GTF2H3: variants seen among roughly 807,000 people sequenced by gnomAD.
The protein encoded by GTF2H3 is general transcription factor IIH subunit 3.
Under a neutral mutation model 51.1 loss-of-function variants are expected in GTF2H3, and 42 were observed. The observed-to-expected ratio is 0.82, with a 90% CI of 0.64 to 1.06. GTF2H3 has a LOEUF of 1.06. Ranked by LOEUF, GTF2H3 falls within the 50% of genes least tolerant of loss-of-function variation. The pLI, the probability that GTF2H3 is intolerant of heterozygous loss-of-function variation, is 0.00. For synonymous variants in GTF2H3, 123 were observed against 123.8 expected (o/e 0.99, Z 0.04); for missense variants, 326 against 366.1 (o/e 0.89, Z 0.89).
intron 9 of GTF2H3, chr12:123,656,228 C>G (rs1290855691): frequency 6.0e-6 from 1 of 165,638 alleles, no homozygotes. Flanking sequence ...ATGGGGAGAG[C>G]GAGGTCCAAT....
At position 123,652,680 on chromosome 12, in the gene GTF2H3, T is replaced by A. The variant is rs754165334; in HGVS notation, c.458-27T>A. On this transcript the variant is annotated intron_variant, in intron 6 of 12. Coordinates refer to ENST00000543341, the MANE Select transcript of GTF2H3 (RefSeq NM_001516.5). ...ATATGATTAGTAAGATTTAGTTAAA[T>A]TTTTTTCTGCTTTTTTCTCTTTGTA... 8 of 1,542,950 alleles carry A rather than the reference T, an allele frequency of 5.2e-6. No individual in the cohort carries two copies. The Admixed American group carries it at 1.3e-4, about 26-fold the overall frequency.
rs1372937458 is a variant in GTF2H3, at chr12:123,639,314, T to G, written c.64T>G (p.Trp22Gly). Reference sequence around the variant, plus strand: ...TGTAGTTGATGCCAACCCAATTTGGTGGGGAAAGCAAGCATTAAAGGAATC... The same window carrying G: ...TGTAGTTGATGCCAACCCAATTTGGGGGGGAAAGCAAGCATTAAAGGAATC... ...VIVVDANPIWWGKQALKESQF... is the reference protein window; with the variant it reads ...VIVVDANPIWGGKQALKESQF... Residue 22 changes from tryptophan to glycine, a missense_variant, in exon 2 of 13, where the codon TGG becomes GGG. Coordinates refer to ENST00000543341, the MANE Select transcript of GTF2H3 (RefSeq NM_001516.5). 1 of 1,589,654 alleles carries G rather than the reference T, an allele frequency of 6.3e-7. No homozygotes were observed. Among genetic ancestry groups the G allele is most frequent in the South Asian group, 1.1e-5 (1 of 90,384 alleles).
intron 8 of GTF2H3, chr12:123,655,472 C>G (rs1048596321): frequency 8.7e-6 from 3 of 344,658 alleles, no homozygotes; most frequent in African/African-American, 6.3e-5. Context: ...ATGTAAAATG[C>G]TGCTATAGCC....
chr12:123,655,696 C>T, intron 8 of GTF2H3, 75 bp from the exon 9 acceptor site: 1 of 849,594 alleles, frequency 1.2e-6, no homozygotes, highest in Non-Finnish European at 2.0e-6. Context: ...TAGAGTATGG[C>T]ATGTAGTAGG....
intron 7 of GTF2H3, among the ~76,000 whole-genome samples, 158 bp downstream of exon 7, chr12:123,652,893 C>T (rs1054305529): frequency 5.9e-5 from 9 of 152,112 alleles, no homozygotes; most frequent in Admixed American, 3.3e-4. Context: ...GCCTGGCCAA[C>T]ATGGTGAAAC....
chr12:123,638,739 T>C (rs917682921), intron 1 of GTF2H3, among the ~76,000 whole-genome samples: 1 of 151,466 alleles, frequency 6.6e-6, no homozygotes, highest in Admixed American at 6.6e-5. Context: ...ATTGGAGATA[T>C]AGTGGTTCAG....
chr12:123,648,289 A>G (rs1372541826), intron 4 of GTF2H3, 163 bp downstream of exon 4: 2 of 513,490 alleles, frequency 3.9e-6, no homozygotes, highest in African/African-American at 4.0e-5. Context: ...CCTAGCCTCT[A>G]CAGCATTTGA....
chr12:123,654,775 T>C, intron 7 of GTF2H3, 149 bp from the exon 8 acceptor site: 1 of 643,478 alleles, frequency 1.6e-6, no homozygotes, highest in Non-Finnish European at 2.8e-6. Flanking sequence ...AATGTTACTG[T>C]CATCTTTATA....
intron 5 of GTF2H3, among the ~76,000 whole-genome samples, chr12:123,651,589 G>A (rs1233333702): frequency 6.6e-6 from 1 of 152,030 alleles, no homozygotes; most frequent in Non-Finnish European, 1.5e-5. Flanking sequence ...GGAGGCCGAG[G>A]CAGGCGGATC....
intron 2 of GTF2H3, among the ~76,000 whole-genome samples, chr12:123,642,885 C>A (rs1442290765): frequency 6.6e-6 from 1 of 151,748 alleles, no homozygotes; most frequent in Non-Finnish European, 1.5e-5. Context: ...ACTCTTTTTT[C>A]TTTTTTTGAG....
intron 3 of GTF2H3, among the ~76,000 whole-genome samples, chr12:123,646,918 G>A (rs371063033): frequency 8.6e-5 from 13 of 151,392 alleles, no homozygotes; most frequent in East Asian, 3.9e-4. Flanking sequence ...TTGGGAGGCC[G>A]AGGCGGGCGG....
intron 9 of GTF2H3, among the ~76,000 whole-genome samples, chr12:123,658,378 C>T (rs996415039): frequency 1.3e-5 from 2 of 152,146 alleles, no homozygotes; most frequent in Non-Finnish European, 2.9e-5. Context: ...CCACTACGCC[C>T]AGCTAATTTT....
intron 2 of GTF2H3, among the ~76,000 whole-genome samples, chr12:123,641,212 T>C (rs1374406717): frequency 6.6e-6 from 1 of 151,414 alleles, no homozygotes; most frequent in Non-Finnish European, 1.5e-5. Context: ...AATGAAGTAT[T>C]GTTGTTGAAT....
chr12:123,660,775 AT>A lies in GTF2H3; in HGVS notation c.*543del, dbSNP rs1255665854. 6.6e-6 allele frequency: 1 copy of A among 152,304 alleles called. No individual in the cohort carries two copies. Among genetic ancestry groups the A allele is most frequent in the African/African-American group, 2.4e-5 (1 of 41,464 alleles). 9.4% of individuals were successfully genotyped at this position (152,304 alleles called of 1,614,324 possible). ...TACTTTTTGTCTGATATCAGTACAT[AT>A]TTGGACAAAGTCATCTAAATAATAG... is the stretch of plus-strand genomic sequence containing the variant. On this transcript the variant is annotated 3_prime_UTR_variant, in exon 13 of 13. Coordinates refer to ENST00000543341, the MANE Select transcript of GTF2H3 (RefSeq NM_001516.5).
intron 2 of GTF2H3, among the ~76,000 whole-genome samples, chr12:123,641,080 C>T (rs535402892): frequency 1.3e-5 from 2 of 151,960 alleles, no homozygotes; most frequent in Non-Finnish European, 2.9e-5. Context: ...GGTGCCCAGG[C>T]GGTTGAGTCT....
chr12:123,647,881 C>G, intron 3 of GTF2H3, 82 bp from the exon 4 acceptor site: 1 of 875,986 alleles, frequency 1.1e-6, no homozygotes, highest in Non-Finnish European at 1.7e-6. Flanking sequence ...TGTTTGTTGC[C>G]TCTGCTGAAT....
chr12:123,633,902 T>C (rs774307674), intron 1 of GTF2H3, 30 bp downstream of exon 1: 1 of 1,612,048 alleles, frequency 6.2e-7, no homozygotes, highest in Non-Finnish European at 8.5e-7. Flanking sequence ...GGACTTCGAC[T>C]CCGGGGCTCG....
At chr12:123,641,559 A>G (rs1192191302) in intron 2 of GTF2H3, among the ~76,000 whole-genome samples, 9 of 143,656 alleles carry the variant, frequency 6.3e-5, no homozygotes, top group Non-Finnish European at 1.3e-4. Context: ...TTTTTGAGAC[A>G]GAGTCTCACT....
intron 1 of GTF2H3, among the ~76,000 whole-genome samples, chr12:123,636,589 A>C (rs1357101862): frequency 6.6e-6 from 1 of 151,912 alleles, no homozygotes; most frequent in Non-Finnish European, 1.5e-5. Flanking sequence ...CAGCCTAGGC[A>C]ACAAAGTGAG....
Sources: gnomAD v4.1 joint callset for allele counts (sites outside exome capture counted in the v4.1 genomes callset) on GRCh38, gnomAD v4.1.1 for gene constraint, MANE v1.5 for transcripts, NCBI Gene and HGNC (gene_info 2026-07-23, HGNC 2026-07-21) for gene names.